CSMD3: variants seen among roughly 807,000 people sequenced by gnomAD.
CSMD3 encodes the protein CUB and sushi domain-containing protein 3.
In CSMD3, 177 loss-of-function variants were observed where a neutral mutation model predicts 435.2. The ratio of observed to expected loss-of-function variants is 0.41; its 90% CI spans 0.36 to 0.46. CSMD3 has a LOEUF of 0.46. CSMD3 is among the 20% of genes least tolerant of loss of function. The probability of loss-of-function intolerance (pLI) is 0.34; values close to 1 mark genes in which losing one functional copy is unlikely to be tolerated. For synonymous variants in CSMD3, 1,656 were observed against 1,520.5 expected (o/e 1.09, Z -2.07); for missense variants, 4,265 against 4,504.6 (o/e 0.95, Z 1.52).
intron 32 of CSMD3, among the ~76,000 whole-genome samples, chr8:112,417,690 C>T (rs1812062435): frequency 6.6e-6 from 1 of 152,098 alleles, no homozygotes; most frequent in Admixed American, 6.6e-5. Context: ...ATTTTACATT[C>T]TATCCTTTTG....
At chr8:112,724,954 T>C (rs1040006695) in intron 13 of CSMD3, among the ~76,000 whole-genome samples, 13 of 152,044 alleles carry the variant, frequency 8.6e-5, no homozygotes, top group African/African-American at 2.9e-4. Flanking sequence ...GACTTAGCAA[T>C]GTAGAGAACA....
At chr8:113,287,084 A>G (rs919597773) in intron 2 of CSMD3, among the ~76,000 whole-genome samples, 19 of 152,020 alleles carry the variant, frequency 1.2e-4, no homozygotes, top group Admixed American at 5.2e-4. Context: ...TGGATAACAA[A>G]TTGTCATTAA....
chr8:112,610,342 A>C (rs1348823404), intron 22 of CSMD3, among the ~76,000 whole-genome samples: 1 of 152,150 alleles, frequency 6.6e-6, no homozygotes, highest in East Asian at 1.9e-4. Flanking sequence ...ATTAAAAAAA[A>C]AAAACCCACA....
chr8:113,287,588 C>A (rs552568910), intron 2 of CSMD3, among the ~76,000 whole-genome samples: 1 of 151,820 alleles, frequency 6.6e-6, no homozygotes, highest in South Asian at 2.1e-4. Context: ...CAGAAAGAAA[C>A]GTGTGAGAAA....
intron 13 of CSMD3, among the ~76,000 whole-genome samples, chr8:112,740,450 A>G (rs2132051523): frequency 6.6e-6 from 1 of 151,902 alleles, no homozygotes; most frequent in South Asian, 2.1e-4. Context: ...TTTATAGCTG[A>G]AACACTGAAG....
At chr8:112,763,463 T>G (rs1182243172) in intron 13 of CSMD3, among the ~76,000 whole-genome samples, 2 of 150,780 alleles carry the variant, frequency 1.3e-5, no homozygotes, top group Non-Finnish European at 3.0e-5. Flanking sequence ...CAAAGATTAT[T>G]TTAAATTTAA....
chr8:112,726,573 G>A (rs1002117416), intron 13 of CSMD3, among the ~76,000 whole-genome samples: 1 of 151,798 alleles, frequency 6.6e-6, no homozygotes, highest in African/African-American at 2.4e-5. Flanking sequence ...AGAGTGTTAG[G>A]TGCATAGTAT....
At chr8:112,954,636 A>C (rs1564144976) in intron 8 of CSMD3, 48 bp downstream of exon 8, 1 of 1,192,974 alleles carries the variant, frequency 8.4e-7, no homozygotes, top group South Asian at 1.2e-5. Context: ...AGACACCACA[A>C]ACTTCACTCT....
At chr8:112,584,766 A>G (rs1023549361) in intron 23 of CSMD3, among the ~76,000 whole-genome samples, 2 of 151,758 alleles carry the variant, frequency 1.3e-5, no homozygotes, top group Non-Finnish European at 3.0e-5. Context: ...AGCAGATTTT[A>G]TAATGGGCTA....
chr8:112,724,337 C>A (rs866117854), intron 13 of CSMD3, among the ~76,000 whole-genome samples: 29 of 151,892 alleles, frequency 1.9e-4, no homozygotes, highest in African/African-American at 5.8e-4. Context: ...AATCCTGGTG[C>A]CTGATGATAG....
At chr8:112,784,302 A>T (rs2078479331) in intron 13 of CSMD3, among the ~76,000 whole-genome samples, 1 of 152,056 alleles carries the variant, frequency 6.6e-6, no homozygotes, top group Non-Finnish European at 1.5e-5. Context: ...AGGAAAGTTT[A>T]TAGCAATAAG....
chr8:112,692,956 T>TCTAC (rs1479714023), intron 13 of CSMD3, among the ~76,000 whole-genome samples: 1 of 150,166 alleles, frequency 6.7e-6, no homozygotes, highest in East Asian at 1.9e-4. Context: ...TATCTATCTA[T>TCTAC]CTATCTATCT....
intron 63 of CSMD3, 102 bp from the exon 64 acceptor site, chr8:112,247,233 T>C (rs983449050): frequency 8.4e-6 from 6 of 717,200 alleles, no homozygotes; most frequent in African/African-American, 1.8e-5. Context: ...AAATTCCGTA[T>C]GGTAAAGTTG....
intron 5 of CSMD3, among the ~76,000 whole-genome samples, chr8:113,076,499 A>T (rs1014536393): frequency 3.9e-5 from 6 of 152,084 alleles, no homozygotes; most frequent in Non-Finnish European, 8.8e-5. Flanking sequence ...CTTTTATTTG[A>T]TTAAATCTAT....
At chr8:112,628,130 C>G (rs557896881) in intron 22 of CSMD3, among the ~76,000 whole-genome samples, 1 of 152,090 alleles carries the variant, frequency 6.6e-6, no homozygotes, top group Non-Finnish European at 1.5e-5. Flanking sequence ...ATTGGTCCCT[C>G]GCAATCTTGT....
chr8:112,302,423 A>G (rs1821018470), intron 52 of CSMD3, among the ~76,000 whole-genome samples: 1 of 152,096 alleles, frequency 6.6e-6, no homozygotes, highest in Admixed American at 6.6e-5. Context: ...TTTTGTCAAG[A>G]ACTCTATCGT....
chr8:113,107,035 A>G (rs2090499052), intron 4 of CSMD3, among the ~76,000 whole-genome samples: 1 of 152,120 alleles, frequency 6.6e-6, no homozygotes, highest in Admixed American at 6.5e-5. Flanking sequence ...CAATTCACCT[A>G]TGCTCCCTTC....
At chr8:112,281,065 A>G in intron 59 of CSMD3, 109 bp downstream of exon 59, 1 of 809,898 alleles carries the variant, frequency 1.2e-6, no homozygotes, top group South Asian at 1.6e-5. Context: ...CAGTACAAAC[A>G]GTTAAAACCT....
intron 6 of CSMD3, among the ~76,000 whole-genome samples, chr8:113,017,331 C>T (rs1420306760): frequency 1.3e-5 from 2 of 151,978 alleles, no homozygotes; most frequent in East Asian, 3.9e-4. Flanking sequence ...CGACTGGTAG[C>T]TTTGTGCCAT....
Sources: allele counts gnomAD v4.1 joint callset (sites outside exome capture counted in the v4.1 genomes callset), GRCh38; gene constraint gnomAD v4.1.1; transcripts MANE v1.5; gene names NCBI Gene and HGNC (gene_info 2026-07-23, HGNC 2026-07-21).